Variants in FLNC observed in about 807,000 individuals in gnomAD.
The protein encoded by FLNC is filamin-C.
In FLNC, 91 loss-of-function variants were observed where a neutral mutation model predicts 254.3. The ratio of observed to expected loss-of-function variants is 0.36; its 90% CI spans 0.30 to 0.43. The LOEUF (loss-of-function observed/expected upper bound fraction) is 0.43. Ranked by LOEUF, FLNC falls within the 20% of genes least tolerant of loss-of-function variation. FLNC has a pLI of 1.00. For synonymous variants in FLNC, 1,430 were observed against 1,577.2 expected, an observed-to-expected ratio of 0.91 and a Z score of 2.21; for missense variants, 2,853 against 3,802.6, an observed-to-expected ratio of 0.75 and a Z score of 6.57.
Position 128,837,197 on chromosome 7 carries a change from G to A in FLNC, c.639G>A (p.Gln213=). ...CPDWEAWDPN[Q]PVENAREAMQ... is the part of the protein sequence containing the mutation. ...ACTGGGAGGCCTGGGACCCCAACCA[G>A]CCCGTGGAGAACGCCCGGGAGGCCA... is the stretch of plus-strand genomic sequence containing the variant. Residue 213 remains glutamine (Q), a synonymous_variant, in exon 3 of 48, where the codon CAG becomes CAA. Coordinates refer to ENST00000325888, the MANE Select transcript of FLNC (RefSeq NM_001458.5). 6.2e-7 allele frequency: 1 copy of A among 1,603,966 alleles called. No homozygotes were observed. Among genetic ancestry groups the A allele is most frequent in the South Asian group, 1.1e-5 (1 of 88,970 alleles).
At chr7:128,839,839 T>C (rs1204652086) in intron 8 of FLNC, among the ~76,000 whole-genome samples, 184 bp from the exon 9 acceptor site, 1 of 152,214 alleles carries the variant, frequency 6.6e-6, no homozygotes, top group Non-Finnish European at 1.5e-5. Context: ...CTGCCTGATC[T>C]GGGGCCTGTA....
intron 23 of FLNC, 64 bp downstream of exon 23, chr7:128,846,527 C>G (rs1254374005): frequency 6.4e-7 from 1 of 1,574,774 alleles, no homozygotes; most frequent in Non-Finnish European, 8.6e-7. Flanking sequence ...GCCCTCCTCG[C>G]TCATCCCTCT....
intron 26 of FLNC, 39 bp from the exon 27 acceptor site, chr7:128,848,522 T>C (rs1437396804): frequency 1.2e-6 from 2 of 1,603,042 alleles, no homozygotes; most frequent in Non-Finnish European, 8.5e-7. Flanking sequence ...GCCCCGTCCA[T>C]GCCACCCAGC....
In FLNC at chr7:128,856,584, A is replaced by T. The variant is rs377464792; in HGVS notation, c.7318A>T (p.Ile2440Phe). 2.5e-6 allele frequency: 4 copies of T among 1,612,784 alleles called. No homozygotes were observed. Among genetic ancestry groups the T allele is most frequent in the Non-Finnish European group, 1.7e-6 (2 of 1,180,002 alleles). Residue 2440 changes from isoleucine (I) to phenylalanine (F), a missense_variant, in exon 44 of 48, where the codon ATT (isoleucine) becomes TTT (phenylalanine). By Grantham distance (21) the Ile-to-Phe change is conservative (BLOSUM62 0). Transcript: ENST00000325888. The surrounding 1 kb of genome is among the most constrained non-coding windows in gnomAD (Gnocchi z 5.9). ...AVQLNGARGV[I>F]DARVHTPSGA... is the part of the protein sequence containing the mutation. Reference sequence around the variant, plus strand: ...GCAGCTGAACGGTGCCCGGGGCGTGATTGATGCCCGGGTGCACACACCCTC... The same window carrying T: ...GCAGCTGAACGGTGCCCGGGGCGTGTTTGATGCCCGGGTGCACACACCCTC...
intron 1 of FLNC, among the ~76,000 whole-genome samples, chr7:128,832,337 G>A (rs1396736560): frequency 6.6e-6 from 1 of 152,218 alleles, no homozygotes; most frequent in African/African-American, 2.4e-5. Flanking sequence ...GAGGGAGCCT[G>A]GAGTGTGTAG....
At position 128,857,300 on chromosome 7, in the gene FLNC, C is replaced by T; in HGVS notation, c.7744C>T (p.His2582Tyr). The T allele has an allele frequency of 6.2e-7, 1 of 1,613,670 alleles. No individual in the cohort carries two copies. The highest frequency in any genetic ancestry group is 8.5e-7 in the Non-Finnish European group (1 of 1,179,854). Residue 2582 changes from histidine (H) to tyrosine (Y), a missense_variant, in exon 46 of 48, where the codon CAC (histidine) becomes TAC (tyrosine). Physicochemically the swap from His to Tyr is moderately conservative, Grantham distance 83. Coordinates refer to ENST00000325888, the MANE Select transcript of FLNC (RefSeq NM_001458.5). The surrounding 1 kb of genome is among the most constrained non-coding windows in gnomAD (Gnocchi z 4.5). ...LIAIKYGGPQ[H>Y]IVGSPFKAKV... The stretch of plus-strand genomic sequence containing the variant: ...TGCCATCAAGTACGGTGGCCCCCAG[C>T]ACATCGTGGGCAGCCCCTTCAAGGC...
In FLNC at chr7:128,841,140, G is replaced by A; in HGVS notation, c.1814-30G>A. 1 of 1,610,248 alleles carries A rather than the reference G, an allele frequency of 6.2e-7. No individual in the cohort carries two copies. The highest frequency in any genetic ancestry group is 8.5e-7 in the Non-Finnish European group (1 of 1,178,262). Reference sequence around the variant, plus strand: ...GACGGAAGGGTCTTGCCTGATGCTGGATCCCCGACCCTCCCCCACCTTGCC... The same window carrying A: ...GACGGAAGGGTCTTGCCTGATGCTGAATCCCCGACCCTCCCCCACCTTGCC... On this transcript the variant is annotated intron_variant, in intron 11 of 47. Coordinates refer to ENST00000325888, the MANE Select transcript of FLNC (RefSeq NM_001458.5). This position sits in a 1 kb window ranked among gnomAD's most constrained non-coding sequence, Gnocchi z 4.3.
In FLNC at chr7:128,858,111, C is replaced by A; in HGVS notation, c.7884C>A (p.Ile2628=). ...GCCGGGGCTCCAGCTACAGCTCCAT[C>A]CCCAAGTTCTCCTCAGATGCCAGCA... ...SSSRGSSYSS[I]PKFSSDASKV... is the part of the protein sequence containing the mutation. The change falls in exon 47 of 48, where the codon ATC becomes ATA. Residue 2628 remains isoleucine, a synonymous_variant. Transcript: ENST00000325888. The surrounding 1 kb of genome is among the most constrained non-coding windows in gnomAD (Gnocchi z 6.7). 1 of 1,613,530 alleles carries A rather than the reference C, an allele frequency of 6.2e-7. No homozygotes were observed. The highest frequency in any genetic ancestry group is 8.5e-7 in the Non-Finnish European group (1 of 1,179,748).
At chr7:128,855,051 C>T (rs1287390088) in intron 42 of FLNC, 139 bp downstream of exon 42, 7 of 1,074,514 alleles carry the variant, frequency 6.5e-6, no homozygotes, top group African/African-American at 6.2e-5. Flanking sequence ...GCCCCGTCTC[C>T]CTCTACCCCA....
chr7:128,856,043 G>A lies in FLNC; in HGVS notation c.7252-475G>A, dbSNP rs1809040059. The stretch of plus-strand genomic sequence containing the variant: ...ATCTCCTCCTCCCACTCCTGAACTG[G>A]GCTCCCCGATGCAGGCTCCAATCCC... On this transcript the variant is annotated intron_variant, in intron 43 of 47. Coordinates refer to ENST00000325888, the MANE Select transcript of FLNC (RefSeq NM_001458.5). The surrounding 1 kb of genome is among the most constrained non-coding windows in gnomAD (Gnocchi z 5.9). Among the ~76,000 whole-genome samples, 1 of 152,112 alleles carries A rather than the reference G, an allele frequency of 6.6e-6. No individual in the cohort carries two copies. The highest frequency in any genetic ancestry group is 2.1e-4 in the South Asian group (1 of 4,824).
chr7:128,834,445 C>T (rs566526707), intron 1 of FLNC, among the ~76,000 whole-genome samples: 1 of 151,754 alleles, frequency 6.6e-6, no homozygotes, highest in South Asian at 2.1e-4. Context: ...ACTTTCAAGA[C>T]TTAACTGAGA....
chr7:128,841,377 TCA>T lies in FLNC; in HGVS notation c.2007+22_2007+23del. 2 of 1,613,858 alleles carry T rather than the reference TCA, an allele frequency of 1.2e-6. No individual in the cohort carries two copies. The highest frequency in any genetic ancestry group is 1.7e-6 in the Non-Finnish European group (2 of 1,179,854). On this transcript the variant is annotated intron_variant, in intron 12 of 47. Transcript: ENST00000325888. This position sits in a 1 kb window ranked among gnomAD's most constrained non-coding sequence, Gnocchi z 4.3. ...TTCCCAGATAAGGTGTGGTCCCAGC[TCA>T]CACACACCTGCCCCGGGGGTGGGGC...
At position 128,840,691 on chromosome 7, in the gene FLNC, C is replaced by G. The variant is rs538523382; in HGVS notation, c.1676+17C>G. 2 of 1,614,162 alleles carry G rather than the reference C, an allele frequency of 1.2e-6. No individual in the cohort carries two copies. Among genetic ancestry groups the G allele is most frequent in the South Asian group, 2.2e-5 (2 of 91,084 alleles). On this transcript the variant is annotated intron_variant, in intron 10 of 47. Coordinates refer to ENST00000325888, the MANE Select transcript of FLNC (RefSeq NM_001458.5). ...CCCTCGCAGGTGAGTACCTTGCGCC[C>G]CCCATGCTGTCCTGTCTAGGCCATC...
Position 128,850,029 on chromosome 7 carries a change from C to A in FLNC, c.5253C>A (p.Arg1751=). Residue 1751 remains arginine, a synonymous_variant, in exon 31 of 48, where the codon CGC becomes CGA. Coordinates refer to ENST00000325888, the MANE Select transcript of FLNC (RefSeq NM_001458.5). ...AGCCCTCTGAAGTGCCACAGCTGCG[C>A]CAGCCCTACGCTCCTCCCCGGCCCG... is the stretch of plus-strand genomic sequence containing the variant. ...EEEPSEVPQL[R]QPYAPPRPGA... The A allele has an allele frequency of 6.4e-7, 1 of 1,562,608 alleles. No individual in the cohort carries two copies. Among genetic ancestry groups the A allele is most frequent in the Non-Finnish European group, 8.6e-7 (1 of 1,160,012 alleles).
rs1022071595 is a variant in FLNC, at chr7:128,852,515, A to G, written c.5843-76A>G. On this transcript the variant is annotated intron_variant, in intron 35 of 47. Coordinates refer to ENST00000325888, the MANE Select transcript of FLNC (RefSeq NM_001458.5). ...CTGTTGAGTCCAGGGGGGGCTGCTC[A>G]GGAGGGTTCCTGAGCCCTGTGAGGG... 58 of 1,562,782 alleles carry G rather than the reference A, an allele frequency of 3.7e-5. No individual in the cohort carries two copies. In the East Asian group the frequency reaches 1.3e-3, roughly 34 times the overall value.
In FLNC at chr7:128,857,855, GCTC is replaced by G. The variant is rs1387809536; in HGVS notation, c.7781-150_7781-148del. Among the ~76,000 whole-genome samples the G allele has an allele frequency of 6.6e-6, 1 of 152,126 alleles. No individual in the cohort carries two copies. Among genetic ancestry groups the G allele is most frequent in the Admixed American group, 6.5e-5 (1 of 15,284 alleles). On this transcript the variant is annotated intron_variant, in intron 46 of 47. Transcript: ENST00000325888. This position sits in a 1 kb window ranked among gnomAD's most constrained non-coding sequence, Gnocchi z 4.5. ...GGGCCCTGGCTGGGAATGAGGCTGT[GCTC>G]CTAGAGTGGCCCTTGGAGGAATTTG...
chr7:128,853,844 G>A lies in FLNC; in HGVS notation c.6484+7G>A, dbSNP rs1423009658. ...CTCAACCTCAAGATCCCAGGTAGAAGCCTGGAGGACCCTGGGTGGGGCGGG... is the reference window on the plus strand; with the variant it reads ...CTCAACCTCAAGATCCCAGGTAGAAACCTGGAGGACCCTGGGTGGGGCGGG... On this transcript the variant is annotated splice_region_variant and intron_variant, in intron 39 of 47. Coordinates refer to ENST00000325888, the MANE Select transcript of FLNC (RefSeq NM_001458.5). 1 of 1,613,406 alleles carries A rather than the reference G, an allele frequency of 6.2e-7. No homozygotes were observed. The highest frequency in any genetic ancestry group is 1.1e-5 in the South Asian group (1 of 91,082).
Position 128,840,136 on chromosome 7 carries a change from C to T in FLNC, c.1525C>T (p.Leu509Phe). Residue 509 changes from leucine to phenylalanine, a missense_variant, in exon 9 of 48, where the codon CTC becomes TTC. Transcript: ENST00000325888. ...TACCAAGGGTGCCGGCAGCGGGGAG[C>T]TCAAGGTCACGGTCAAGGGGCCAAG... ...VFTKGAGSGE[L>F]KVTVKGPKGT... is the part of the protein sequence containing the mutation. 6.2e-7 allele frequency: 1 copy of T among 1,614,012 alleles called. No homozygotes were observed. The highest frequency in any genetic ancestry group is 8.5e-7 in the Non-Finnish European group (1 of 1,180,038).
rs572865542 is a variant in FLNC at position 128,847,351 on chromosome 7, A to AT, written c.4289-340dup. Among the ~76,000 whole-genome samples the AT allele has an allele frequency of 1.0e-3, 154 of 152,266 alleles. 1 individual carries two copies. Among genetic ancestry groups the AT allele is most frequent in the African/African-American group, 3.6e-3 (150 of 41,542 alleles). The stretch of plus-strand genomic sequence containing the variant: ...TGACTTGGGACTGCTGAAATTGGAA[A>AT]TTTTTTCCCTTATCTAATTTCCCAT... On this transcript the variant is annotated intron_variant, in intron 24 of 47. Transcript: ENST00000325888.
Sources: allele counts gnomAD v4.1 joint callset (sites outside exome capture counted in the v4.1 genomes callset), GRCh38; gene constraint gnomAD v4.1.1; non-coding constraint Gnocchi (gnomAD v3.1); transcripts MANE v1.5; gene names NCBI Gene and HGNC (gene_info 2026-07-23, HGNC 2026-07-21).